The following LYST variants were observed in gnomAD, a reference collection of about 807,000 sequenced individuals.
The protein encoded by LYST is lysosomal-trafficking regulator.
Under a neutral mutation model 413.6 loss-of-function variants are expected in LYST, and 192 were observed. That is an observed-to-expected ratio of 0.46 (90% CI 0.41 to 0.52). The LOEUF (loss-of-function observed/expected upper bound fraction) is 0.52, where lower values mean the gene tolerates loss of function less well. Among genes scored for constraint, LYST ranks in the 20% least tolerant of loss-of-function variants. The pLI, the probability that LYST is intolerant of heterozygous loss-of-function variation, is 0.00. For synonymous variants in LYST, 1,525 were observed against 1,567.3 expected, an observed-to-expected ratio of 0.97 and a Z score of 0.64; for missense variants, 3,815 against 4,499.9, an observed-to-expected ratio of 0.85 and a Z score of 4.35.
At chr1:235,692,756 GC>G (rs1660765650) in intron 47 of LYST, among the ~76,000 whole-genome samples, 1 of 152,028 alleles carries the variant, frequency 6.6e-6, no homozygotes, top group Admixed American at 6.5e-5. Flanking sequence ...AGACACAGTG[GC>G]TCACTGTAAT....
In LYST at chr1:235,677,329, AAATAT is replaced by A. The variant is rs1256610078; in HGVS notation, c.10940+146_10941-142del. The A allele has an allele frequency of 6.5e-6, 7 of 1,077,292 alleles. No homozygotes were observed. The African/African-American group carries it at 9.5e-5, about 15-fold the overall frequency. The allele number at this position is 1,077,292 out of a possible 1,614,324, so 66.7% of individuals were successfully genotyped here. The stretch of plus-strand genomic sequence containing the variant: ...CCTATCTGATTGTATGACTTCAATA[AAATAT>A]AATAGGTAATCTTACTACCTTTAAG... On this transcript the variant is annotated intron_variant, in intron 49 of 52. Coordinates refer to ENST00000389793, the MANE Select transcript of LYST (RefSeq NM_000081.4).
At chr1:235,763,194 G>A (rs1056230889) in intron 21 of LYST, among the ~76,000 whole-genome samples, 5 of 152,162 alleles carry the variant, frequency 3.3e-5, no homozygotes, top group African/African-American at 9.6e-5. Flanking sequence ...GGAAAGGACT[G>A]TGTCTTTTAT....
chr1:235,839,623 C>CCCCG (rs934210900), intron 1 of LYST: 77 of 151,032 alleles, frequency 5.1e-4, no homozygotes, highest in African/African-American at 1.8e-3. Flanking sequence ...GAGAACCCCC[C>CCCCG]CCACCACGCC....
At chr1:235,672,334 A>T (rs754762666) in intron 50 of LYST, among the ~76,000 whole-genome samples, 1 of 152,206 alleles carries the variant, frequency 6.6e-6, no homozygotes, top group Non-Finnish European at 1.5e-5. Flanking sequence ...GTAGCAAAAG[A>T]CAAGAGACCT....
chr1:235,704,575 T>C (rs1661814185), intron 44 of LYST, among the ~76,000 whole-genome samples: 2 of 152,260 alleles, frequency 1.3e-5, no homozygotes, highest in South Asian at 4.1e-4. Flanking sequence ...TGTCTGTTTA[T>C]GTCCTTTGCA....
intron 37 of LYST, among the ~76,000 whole-genome samples, chr1:235,728,390 A>G (rs564155630): frequency 6.6e-6 from 1 of 152,358 alleles, no homozygotes; most frequent in Non-Finnish European, 1.5e-5. Context: ...TGGAAATTAA[A>G]TTAGAATATA....
chr1:235,692,120 G>A (rs2103071902), intron 47 of LYST, among the ~76,000 whole-genome samples: 1 of 150,080 alleles, frequency 6.7e-6, no homozygotes, highest in East Asian at 2.1e-4. Flanking sequence ...ATCACCTGAG[G>A]TCAGGAGTTC....
chr1:235,815,976 A>G (rs1674017052), intron 3 of LYST, among the ~76,000 whole-genome samples: 1 of 151,386 alleles, frequency 6.6e-6, no homozygotes, highest in Non-Finnish European at 1.5e-5. Context: ...CTAAAAATAC[A>G]AAAATTAGCT....
chr1:235,842,695 G>C (rs1304356479), intron 1 of LYST, among the ~76,000 whole-genome samples: 1 of 152,174 alleles, frequency 6.6e-6, no homozygotes, highest in Non-Finnish European at 1.5e-5. Context: ...AGACTCAAGA[G>C]TACTGGTTCC....
chr1:235,743,874 A>C, intron 30 of LYST, 105 bp downstream of exon 30: 1 of 694,564 alleles, frequency 1.4e-6, no homozygotes, highest in Non-Finnish European at 2.5e-6. Flanking sequence ...AAGCTCTCTG[A>C]AAGAGCACAA....
At chr1:235,704,760 C>T (rs1661838813) in intron 44 of LYST, among the ~76,000 whole-genome samples, 1 of 152,060 alleles carries the variant, frequency 6.6e-6, no homozygotes, top group Admixed American at 6.6e-5. Flanking sequence ...AGTTAGATCC[C>T]ACTTGTCAAT....
At chr1:235,776,882 G>T (rs553284338) in intron 17 of LYST, among the ~76,000 whole-genome samples, 181 bp downstream of exon 17, 1 of 152,068 alleles carries the variant, frequency 6.6e-6, no homozygotes, top group East Asian at 1.9e-4. Flanking sequence ...TCATAAATTA[G>T]AAGAAACCTT....
intron 29 of LYST, among the ~76,000 whole-genome samples, chr1:235,745,400 A>C (rs1665819029): frequency 6.6e-6 from 1 of 152,192 alleles, no homozygotes; most frequent in African/African-American, 2.4e-5. Flanking sequence ...AGAATGGCTA[A>C]AATAAAAAAT....
At chr1:235,805,697 T>C (rs536118687) in intron 6 of LYST, 46 bp downstream of exon 6, 33 of 1,099,138 alleles carry the variant, frequency 3.0e-5, no homozygotes, top group East Asian at 7.2e-5. Flanking sequence ...TGTGTATATA[T>C]ATGTATATAT....
intron 3 of LYST, chr1:235,827,709 A>G: frequency 1.0e-6 from 1 of 981,346 alleles, no homozygotes; most frequent in Non-Finnish European, 1.2e-6. Context: ...AGATATTCCA[A>G]AAAGTGACTA....
In LYST at chr1:235,751,372, G is replaced by T. The variant is rs1406701475; in HGVS notation, c.7628-10C>A. The T allele has an allele frequency of 2.5e-6, 4 of 1,609,580 alleles. No individual in the cohort carries two copies. The African/African-American group carries it at 4.0e-5, about 16-fold the overall frequency. The stretch of plus-strand genomic sequence containing the variant: ...AGTGCAACAGCCATATCTAAAAACA[G>T]AAGATACTAGAATGTTTTCAAGCTA... On this transcript the variant is annotated splice_polypyrimidine_tract_variant and intron_variant, in intron 27 of 52. Coordinates refer to ENST00000389793, the MANE Select transcript of LYST (RefSeq NM_000081.4).
chr1:235,727,124 C>CTTTTTTT, intron 38 of LYST, among the ~76,000 whole-genome samples: 1 of 135,108 alleles, frequency 7.4e-6, no homozygotes, highest in Admixed American at 7.4e-5. Context: ...TTCTTTCTTT[C>CTTTTTTT]TTTTTTTTTT....
chr1:235,867,065 G>A (rs1243230151), upstream of LYST: 1 of 152,322 alleles, frequency 6.6e-6, no homozygotes, highest in Non-Finnish European at 1.5e-5. Flanking sequence ...CCTCCTCTGG[G>A]AGGGCAGCGC....
At chr1:235,721,701 A>G (rs2103165443) in intron 39 of LYST, among the ~76,000 whole-genome samples, 1 of 152,332 alleles carries the variant, frequency 6.6e-6, no homozygotes, top group African/African-American at 2.4e-5. Flanking sequence ...CTAAACCTGT[A>G]GCCTAAATCT....
Sources: gnomAD v4.1 joint callset for allele counts (sites outside exome capture counted in the v4.1 genomes callset) on GRCh38, gnomAD v4.1.1 for gene constraint, MANE v1.5 for transcripts, NCBI Gene and HGNC (gene_info 2026-07-23, HGNC 2026-07-21) for gene names.